CTNNAL1: variants seen among roughly 807,000 people sequenced by gnomAD.
CTNNAL1 encodes alpha-catulin.
In CTNNAL1, 69 loss-of-function variants were observed where a neutral mutation model predicts 93.6. The observed-to-expected ratio is 0.74, with a 90% CI of 0.61 to 0.90. CTNNAL1 has a LOEUF of 0.90. Among genes scored for constraint, CTNNAL1 ranks in the 40% least tolerant of loss-of-function variants. CTNNAL1 has a pLI of 0.00. For missense variants in CTNNAL1, 836 were observed against 862.0 expected (o/e 0.97, Z 0.38); for synonymous variants, 286 against 305.4 (o/e 0.94, Z 0.66).
At chr9:108,982,774 C>T (rs921271982) in intron 6 of CTNNAL1, among the ~76,000 whole-genome samples, 9 of 152,162 alleles carry the variant, frequency 5.9e-5, no homozygotes, top group African/African-American at 2.2e-4. Context: ...CATAATGATG[C>T]TCCTTTAAAA....
In CTNNAL1 at chr9:108,955,800, G is replaced by A. The variant is rs776585424; in HGVS notation, c.1619C>T (p.Pro540Leu). The A allele has an allele frequency of 1.2e-6, 2 of 1,600,690 alleles. No homozygotes were observed. The highest frequency in any genetic ancestry group is 1.7e-6 in the Non-Finnish European group (2 of 1,173,696). The change falls in exon 12 of 19, where the codon CCA (proline) becomes CTA (leucine). Residue 540 changes from proline to leucine, a missense_variant. By Grantham distance (98) the Pro-to-Leu change is moderately conservative (BLOSUM62 -3). Transcript: ENST00000325551. ...RGEKYGYLSL[P>L]KPMKNNANLK... Reference sequence around the variant, plus strand: ...AATTCTTCTACTTACCATTGGCTTTGGAAGTGAAAGGTAGCCATACTTCTC... The same window carrying A: ...AATTCTTCTACTTACCATTGGCTTTAGAAGTGAAAGGTAGCCATACTTCTC...
Position 108,942,864 on chromosome 9 carries a change from G to A in CTNNAL1, c.2140-30C>T, listed in dbSNP as rs1830283844. ...AAAGAGTTAAGACAATTAGTATCTG[G>A]TTTCACTCTGAAAAAAAAATTACAA... On this transcript the variant is annotated intron_variant, in intron 18 of 18. Transcript: ENST00000325551. 3 of 1,611,846 alleles carry A rather than the reference G, an allele frequency of 1.9e-6. No individual in the cohort carries two copies. The Admixed American group carries it at 5.0e-5, about 27-fold the overall frequency.
intron 10 of CTNNAL1, among the ~76,000 whole-genome samples, chr9:108,969,226 C>T (rs192535793): frequency 1.1e-3 from 159 of 151,348 alleles, no homozygotes; most frequent in African/African-American, 3.7e-3. Context: ...GCCAAGATCG[C>T]GCCACTGCAC....
chr9:108,999,868 G>A (rs77888723), intron 1 of CTNNAL1, among the ~76,000 whole-genome samples: 2 of 152,220 alleles, frequency 1.3e-5, no homozygotes, highest in East Asian at 1.9e-4. Context: ...AATACAAAAG[G>A]TGACAACTTC....
At chr9:108,992,079 G>T (rs756717305) in intron 3 of CTNNAL1, 7 of 765,876 alleles carry the variant, frequency 9.1e-6, no homozygotes, top group Non-Finnish European at 1.5e-5. Flanking sequence ...TGATTTGGGA[G>T]GGAAAAAAAG....
At chr9:108,987,653 A>G (rs1198600420) in intron 4 of CTNNAL1, among the ~76,000 whole-genome samples, 1 of 152,066 alleles carries the variant, frequency 6.6e-6, no homozygotes, top group Non-Finnish European at 1.5e-5. Flanking sequence ...GATTCTTCCT[A>G]CCCATGAGCA....
chr9:108,995,029 A>T (rs76918138), intron 2 of CTNNAL1, among the ~76,000 whole-genome samples: 2,690 of 152,306 alleles, frequency 0.018, 31 homozygotes, highest in South Asian at 0.044. Context: ...CCGCTACCTC[A>T]TGAGACACAC....
chr9:108,985,430 G>T (rs1831576289), intron 4 of CTNNAL1, among the ~76,000 whole-genome samples: 1 of 152,198 alleles, frequency 6.6e-6, no homozygotes, highest in East Asian at 1.9e-4. Flanking sequence ...TTACAAATAA[G>T]TAAAACCTAA....
At chr9:108,992,578 C>T in intron 3 of CTNNAL1, 54 bp downstream of exon 3, 1 of 1,528,274 alleles carries the variant, frequency 6.5e-7, no homozygotes, top group East Asian at 2.3e-5. Context: ...TCATAAAAAG[C>T]ACTTTGAACA....
intron 6 of CTNNAL1, among the ~76,000 whole-genome samples, chr9:108,982,585 T>C (rs1831467286): frequency 6.6e-6 from 1 of 152,178 alleles, no homozygotes; most frequent in African/African-American, 2.4e-5. Flanking sequence ...AGCTAAACCA[T>C]ACAGCTAAAC....
chr9:108,995,100 G>C (rs1308131646), intron 2 of CTNNAL1, among the ~76,000 whole-genome samples: 1 of 152,168 alleles, frequency 6.6e-6, no homozygotes, highest in Non-Finnish European at 1.5e-5. Flanking sequence ...AACTGACATA[G>C]TAAATGTTTG....
chr9:109,008,703 T>C (rs926151171), intron 1 of CTNNAL1, among the ~76,000 whole-genome samples: 3 of 152,146 alleles, frequency 2.0e-5, no homozygotes, highest in African/African-American at 7.2e-5. Context: ...TTTAGCTGTT[T>C]CCTCTTCTGT....
At chr9:108,976,584 G>A (rs1461367341) in intron 8 of CTNNAL1, among the ~76,000 whole-genome samples, 2 of 151,484 alleles carry the variant, frequency 1.3e-5, no homozygotes, top group African/African-American at 2.4e-5. Context: ...AGGCTGAAGT[G>A]CAGTAGCGCG....
At chr9:109,001,628 T>C (rs1318682417) in intron 1 of CTNNAL1, among the ~76,000 whole-genome samples, 1 of 152,192 alleles carries the variant, frequency 6.6e-6, no homozygotes, top group Non-Finnish European at 1.5e-5. Context: ...CAAGCAACCC[T>C]ATGGAGAGTC....
At chr9:108,964,239 G>A (rs1239490405) in intron 11 of CTNNAL1, among the ~76,000 whole-genome samples, 1 of 152,076 alleles carries the variant, frequency 6.6e-6, no homozygotes, top group African/African-American at 2.4e-5. Flanking sequence ...TACAAATGAT[G>A]TTATAGCTAT....
rs749689146 is a variant in CTNNAL1 at position 108,952,227 on chromosome 9, G to A, written c.1817C>T (p.Ser606Phe). 24 of 1,612,936 alleles carry A rather than the reference G, an allele frequency of 1.5e-5. No homozygotes were observed. The highest frequency in any genetic ancestry group is 2.0e-5 in the Non-Finnish European group (24 of 1,179,500). The change falls in exon 14 of 19, where the codon TCT becomes TTT. Residue 606 changes from serine (S) to phenylalanine (F), a missense_variant. Transcript: ENST00000325551. ...YGRNMSSMAYSLYLFTRGEGP... is the reference protein window; with the variant it reads ...YGRNMSSMAYFLYLFTRGEGP... ...CATTTACCTAGTAAATAAATACAGAGAATAGGCCATACTGGACATGTTCCG... is the reference window on the plus strand; with the variant it reads ...CATTTACCTAGTAAATAAATACAGAAAATAGGCCATACTGGACATGTTCCG...
intron 8 of CTNNAL1, 35 bp from the exon 9 acceptor site, chr9:108,972,868 G>GGCCCCCCGGGT: frequency 2.7e-6 from 3 of 1,092,790 alleles, no homozygotes; most frequent in Non-Finnish European, 3.7e-6. Context: ...GGGTGGGAGG[G>GGCCCCCCGGGT]TGGAGAAGGA....
At chr9:108,974,193 A>G (rs1441883602) in intron 8 of CTNNAL1, among the ~76,000 whole-genome samples, 1 of 152,146 alleles carries the variant, frequency 6.6e-6, no homozygotes, top group African/African-American at 2.4e-5. Flanking sequence ...CAAGAATTCT[A>G]TGAGGTTGAC....
rs934585520 is a variant in CTNNAL1, at chr9:108,977,827, C to T, written c.1102-779G>A. Among the ~76,000 whole-genome samples the T allele has an allele frequency of 3.9e-5, 6 of 152,196 alleles. No individual in the cohort carries two copies. The East Asian group carries it at 1.2e-3, about 29-fold the overall frequency. ...TCAAACCCTCTCAATGCATAGTCTA[C>T]ACTTTCTCTTAGGATACTTACAAAG... is the stretch of plus-strand genomic sequence containing the variant. On this transcript the variant is annotated intron_variant, in intron 7 of 18. Transcript: ENST00000325551.
Sources: allele counts gnomAD v4.1 joint callset (sites outside exome capture counted in the v4.1 genomes callset), GRCh38; gene constraint gnomAD v4.1.1; transcripts MANE v1.5; gene names NCBI Gene and HGNC (gene_info 2026-07-23, HGNC 2026-07-21).